SAMD12: variants seen among roughly 807,000 people sequenced by gnomAD.
SAMD12 encodes the protein sterile alpha motif domain-containing protein 12.
A neutral mutation model predicts 15.0 loss-of-function variants in SAMD12; 9 were observed. The observed-to-expected ratio is 0.60, with a 90% CI of 0.36 to 1.05. The LOEUF (loss-of-function observed/expected upper bound fraction) is 1.05, where lower values mean the gene tolerates loss of function less well. Among genes scored for constraint, SAMD12 ranks in the 50% least tolerant of loss-of-function variants. The pLI is 0.01. For synonymous variants in SAMD12, 86 were observed against 90.1 expected (o/e 0.96, Z 0.25); for missense variants, 230 against 234.2 (o/e 0.98, Z 0.12).
the SAMD12 span, among the ~76,000 whole-genome samples, chr8:118,172,619 T>C: frequency 6.6e-6 from 1 of 152,308 alleles, no homozygotes; most frequent in Admixed American, 6.5e-5. Context: ...TTGATATATA[T>C]AAAAATCTGC....
intron 2 of SAMD12, among the ~76,000 whole-genome samples, chr8:118,444,632 A>G (rs1384254570): frequency 6.6e-6 from 1 of 152,120 alleles, no homozygotes; most frequent in Non-Finnish European, 1.5e-5. Context: ...ATTTAACTAG[A>G]AAGAACTCTG....
chr8:118,509,090 A>G (rs1225903930), intron 2 of SAMD12, among the ~76,000 whole-genome samples: 1 of 152,192 alleles, frequency 6.6e-6, no homozygotes, highest in Non-Finnish European at 1.5e-5. Context: ...AGGTTCAGTA[A>G]TTGCCTGGTA....
chr8:118,504,653 T>C (rs1401185624), intron 2 of SAMD12, among the ~76,000 whole-genome samples: 1 of 152,190 alleles, frequency 6.6e-6, no homozygotes, highest in Admixed American at 6.5e-5. Context: ...TCCCGGATTG[T>C]CCTGGTGGGC....
At chr8:118,133,005 T>TA in the SAMD12 span, among the ~76,000 whole-genome samples, 1 of 109,706 alleles carries the variant, frequency 9.1e-6, no homozygotes, top group Non-Finnish European at 2.0e-5. Context: ...TATATATATA[T>TA]ATATATATAT....
At chr8:118,366,642 G>A (rs552739325) in intron 4 of SAMD12, among the ~76,000 whole-genome samples, 16 of 151,508 alleles carry the variant, frequency 1.1e-4, no homozygotes, top group East Asian at 3.9e-4. Flanking sequence ...GTGAAATCCC[G>A]TCTCTACTAA....
chr8:118,562,245 C>T (rs1034290851), intron 2 of SAMD12, among the ~76,000 whole-genome samples: 2 of 152,076 alleles, frequency 1.3e-5, no homozygotes, highest in South Asian at 4.1e-4. Flanking sequence ...GTGGAAATGT[C>T]CACCAGGCAG....
intron 4 of SAMD12, among the ~76,000 whole-genome samples, chr8:118,342,323 G>T (rs1175700661): frequency 6.6e-6 from 1 of 151,128 alleles, no homozygotes; most frequent in Non-Finnish European, 1.5e-5. Context: ...AGAGACTACT[G>T]ACATATATTT....
At chr8:118,420,737 A>C (rs1821957593) in intron 3 of SAMD12, among the ~76,000 whole-genome samples, 1 of 152,130 alleles carries the variant, frequency 6.6e-6, no homozygotes, top group East Asian at 1.9e-4. Context: ...TCCTACATTT[A>C]GTATGTAAAA....
chr8:118,577,955 A>C (rs1222324620), intron 2 of SAMD12, among the ~76,000 whole-genome samples: 2 of 152,182 alleles, frequency 1.3e-5, no homozygotes, highest in African/African-American at 4.8e-5. Flanking sequence ...ACTTAAAAGA[A>C]TACATATCTT....
chr8:118,399,885 G>A (rs1820783639), intron 3 of SAMD12, among the ~76,000 whole-genome samples: 1 of 152,146 alleles, frequency 6.6e-6, no homozygotes. Context: ...CCCTTTAGCA[G>A]GCTTCTAGGT....
At chr8:118,192,704 A>C (rs1408714115) in exon 5 of SAMD12, 1 of 152,258 alleles carries the variant, frequency 6.6e-6, no homozygotes, top group Non-Finnish European at 1.5e-5. Context: ...AAAATTGAAA[A>C]GAATATGAAA....
chr8:118,256,777 G>GAAAC, intron 4 of SAMD12, among the ~76,000 whole-genome samples: 1 of 86,840 alleles, frequency 1.2e-5, no homozygotes, highest in East Asian at 3.3e-4. Flanking sequence ...ATCTGCATAA[G>GAAAC]ATACACACAC....
intron 2 of SAMD12, among the ~76,000 whole-genome samples, chr8:118,450,642 T>A (rs1823052683): frequency 6.6e-6 from 1 of 152,158 alleles, no homozygotes; most frequent in South Asian, 2.1e-4. Context: ...GGAATAACAA[T>A]GTGGTAGATT....
At chr8:118,173,574 T>C in the SAMD12 span, among the ~76,000 whole-genome samples, 2 of 147,924 alleles carry the variant, frequency 1.4e-5, no homozygotes, top group Non-Finnish European at 3.0e-5. Context: ...ATAATCTATA[T>C]ATTTAACTAT....
chr8:118,600,690 CAAT>C (rs766687393), intron 1 of SAMD12, among the ~76,000 whole-genome samples: 3 of 152,136 alleles, frequency 2.0e-5, no homozygotes, highest in Non-Finnish European at 4.4e-5. Context: ...TACTAGACAT[CAAT>C]AATGTGTCCT....
At chr8:118,252,482 G>A (rs1262524067) in intron 4 of SAMD12, among the ~76,000 whole-genome samples, 1 of 146,444 alleles carries the variant, frequency 6.8e-6, no homozygotes, top group Admixed American at 6.6e-5. Flanking sequence ...TCCTGTCTTG[G>A]TAGTGCTCTC....
intron 1 of SAMD12, 37 bp from the exon 2 acceptor site, chr8:118,580,930 C>A: frequency 6.5e-7 from 1 of 1,535,050 alleles, no homozygotes; most frequent in Non-Finnish European, 8.9e-7. Context: ...AGAAAACAAA[C>A]CACATAAAGA....
chr8:118,530,725 T>A (rs1825662019), intron 2 of SAMD12, among the ~76,000 whole-genome samples: 1 of 152,236 alleles, frequency 6.6e-6, no homozygotes, highest in Non-Finnish European at 1.5e-5. Flanking sequence ...TATGTCTACT[T>A]TTGTTTTTGT....
At chr8:118,380,986 G>C (rs532545896) in intron 3 of SAMD12, among the ~76,000 whole-genome samples, 3 of 152,164 alleles carry the variant, frequency 2.0e-5, no homozygotes, top group African/African-American at 7.2e-5. Context: ...ACAAGAGGGA[G>C]GAGAGAAGGT....
Sources: gnomAD v4.1 joint callset for allele counts (sites outside exome capture counted in the v4.1 genomes callset) on GRCh38, gnomAD v4.1.1 for gene constraint, MANE v1.5 for transcripts, NCBI Gene and HGNC (gene_info 2026-07-23, HGNC 2026-07-21) for gene names.